OGDHL: variants seen among roughly 807,000 people sequenced by gnomAD.
OGDHL encodes 2-oxoglutarate dehydrogenase-like, mitochondrial.
In OGDHL, 79 loss-of-function variants were observed where a neutral mutation model predicts 109.6. That is an observed-to-expected ratio of 0.72 (90% CI 0.60 to 0.87). The LOEUF (loss-of-function observed/expected upper bound fraction) is 0.87, where lower values mean the gene tolerates loss of function less well. Ranked by LOEUF, OGDHL falls within the 40% of genes least tolerant of loss-of-function variation. The probability of loss-of-function intolerance (pLI) is 0.00; values close to 1 mark genes in which losing one functional copy is unlikely to be tolerated. For synonymous variants in OGDHL, 528 were observed against 537.2 expected (o/e 0.98, Z 0.24); for missense variants, 1,275 against 1,362.2 (o/e 0.94, Z 1.01).
At chr10:49,741,371 G>A (rs1021325926) in intron 15 of OGDHL, among the ~76,000 whole-genome samples, 1 of 152,108 alleles carries the variant, frequency 6.6e-6, no homozygotes, top group Admixed American at 6.5e-5. Context: ...AGGTAGCTCT[G>A]GGTGCATCAG....
In OGDHL at chr10:49,758,873, A is replaced by G. The variant is rs138965983; in HGVS notation, c.-1-280T>C. 2.7e-3 allele frequency among the ~76,000 whole-genome samples: 418 copies of G among 152,260 alleles called. 4 individuals are homozygous for G. Among genetic ancestry groups the G allele is most frequent in the East Asian group, 0.015 (80 of 5,162 alleles). On this transcript the variant is annotated intron_variant, in intron 1 of 22. Coordinates refer to ENST00000374103, the MANE Select transcript of OGDHL (RefSeq NM_018245.3). ...TCCCAGACCACACTCCTTCCCGGAT[A>G]GTCCCCAAAGCCTGTGCAGAGACAT...
chr10:49,754,484 A>T (rs1428808420), intron 3 of OGDHL, among the ~76,000 whole-genome samples: 1 of 152,236 alleles, frequency 6.6e-6, no homozygotes, highest in Admixed American at 6.5e-5. Context: ...CACAATCTGC[A>T]CCTCAGGATA....
intron 10 of OGDHL, 119 bp from the exon 11 acceptor site, chr10:49,746,096 TGTGGGA>T: frequency 1.8e-6 from 2 of 1,141,308 alleles, no homozygotes; most frequent in South Asian, 3.1e-5. Flanking sequence ...CCAGGAGGAA[TGTGGGA>T]CACAACAGGG....
intron 22 of OGDHL, 113 bp from the exon 23 acceptor site, chr10:49,735,464 C>T: frequency 2.3e-6 from 3 of 1,297,360 alleles, no homozygotes; most frequent in East Asian, 2.4e-5. Context: ...ACCTCGAAGC[C>T]ATAGACCCTG....
At chr10:49,743,752 T>A in intron 14 of OGDHL, 1 of 431,152 alleles carries the variant, frequency 2.3e-6, no homozygotes, top group Non-Finnish European at 4.2e-6. Flanking sequence ...GTCCCCAACC[T>A]AAGACTAGTC....
At chr10:49,746,504 C>T (rs1284991799) in intron 10 of OGDHL, among the ~76,000 whole-genome samples, 1 of 152,222 alleles carries the variant, frequency 6.6e-6, no homozygotes, top group Non-Finnish European at 1.5e-5. Context: ...CTGCACACGG[C>T]CAGCCTCCAT....
chr10:49,754,324 A>G (rs1032380768), intron 3 of OGDHL, among the ~76,000 whole-genome samples: 2 of 152,210 alleles, frequency 1.3e-5, no homozygotes, highest in African/African-American at 4.8e-5. Context: ...AAACTCATCA[A>G]ATATGTTTAT....
At position 49,736,121 on chromosome 10, in the gene OGDHL, C is replaced by T. The variant is rs367779363; in HGVS notation, c.2811G>A (p.Ala937=). ...IKQEAEKYPG[A]ELAWCQEEHK... ...GCTCCTCCTGACACCAGGCCAGCTC[C>T]GCACCTGGGTACTTCTCTGCCTCCT... The change falls in exon 22 of 23, where the codon GCG becomes GCA. Residue 937 remains alanine, a synonymous_variant. Coordinates refer to ENST00000374103, the MANE Select transcript of OGDHL (RefSeq NM_018245.3). 9.9e-5 allele frequency: 159 copies of T among 1,611,624 alleles called. No individual in the cohort carries two copies. The highest frequency in any genetic ancestry group is 1.6e-4 in the Middle Eastern group (1 of 6,068).
chr10:49,759,555 C>T (rs934111299), intron 1 of OGDHL, among the ~76,000 whole-genome samples: 2 of 152,128 alleles, frequency 1.3e-5, no homozygotes, highest in African/African-American at 4.8e-5. Flanking sequence ...GAGAACCCCC[C>T]AGATATCCCT....
Position 49,742,844 on chromosome 10 carries a change from C to A in OGDHL, c.1996G>T (p.Glu666Ter). The A allele has an allele frequency of 1.2e-6, 2 of 1,613,320 alleles. No homozygotes were observed. The highest frequency in any genetic ancestry group is 1.7e-6 in the Non-Finnish European group (2 of 1,179,834). Residue 666 changes from glutamate to a stop codon, truncating the protein, a stop_gained, in exon 15 of 23, where the codon GAG (glutamate) becomes TAG (stop). Transcript: ENST00000374103. LOFTEE classifies it high-confidence loss of function. ...TGCGCTCACCTGAATGTGCCCCTCT[C>A]CACATCCTGCCCGCTGAGCCGCACG... The part of the protein sequence containing the change: ...IHVRLSGQDV[E>*]RGTFSHRHHV...
intron 3 of OGDHL, among the ~76,000 whole-genome samples, chr10:49,753,665 T>C (rs945904458): frequency 1.3e-5 from 2 of 151,972 alleles, no homozygotes; most frequent in Non-Finnish European, 2.9e-5. Context: ...CTAAGATGGG[T>C]GGATCACCTG....
intron 3 of OGDHL, among the ~76,000 whole-genome samples, chr10:49,754,441 GA>G (rs1448326616): frequency 2.6e-5 from 4 of 152,058 alleles, no homozygotes; most frequent in Non-Finnish European, 5.9e-5. Flanking sequence ...CTGAATAAAA[GA>G]AAAAAATAAA....
intron 16 of OGDHL, among the ~76,000 whole-genome samples, 166 bp from the exon 17 acceptor site, chr10:49,740,005 C>T (rs1470560900): frequency 6.6e-6 from 1 of 152,166 alleles, no homozygotes; most frequent in African/African-American, 2.4e-5. Flanking sequence ...AATGTACCAT[C>T]CTGGGGGCTG....
Position 49,738,048 on chromosome 10 carries a change from T to C in OGDHL, c.2416A>G (p.Ser806Gly), listed in dbSNP as rs772206904. 17 of 1,614,052 alleles carry C rather than the reference T, an allele frequency of 1.1e-5. No individual in the cohort carries two copies. The highest frequency in any genetic ancestry group is 1.3e-5 in the Non-Finnish European group (15 of 1,180,026). Residue 806 changes from serine (S) to glycine (G), a missense_variant, in exon 19 of 23, where the codon AGC becomes GGC. Transcript: ENST00000374103. Reference sequence around the variant, plus strand: ...ATCCAGTTGCAGTCATAGAGCTGGCTCACCTCGAAGTCCTTGGTGAATGCC... The same window carrying C: ...ATCCAGTTGCAGTCATAGAGCTGGCCCACCTCGAAGTCCTTGGTGAATGCC... ...YPAFTKDFEVSQLYDCNWIVV... is the reference protein window; with the variant it reads ...YPAFTKDFEVGQLYDCNWIVV...
rs1012884558 is a variant in OGDHL at position 49,751,821 on chromosome 10, G to A, written c.749+6C>T. The A allele has an allele frequency of 6.2e-7, 1 of 1,612,904 alleles. No homozygotes were observed. The highest frequency in any genetic ancestry group is 8.5e-7 in the Non-Finnish European group (1 of 1,179,680). On this transcript the variant is annotated splice_donor_region_variant and intron_variant, in intron 6 of 22. Coordinates refer to ENST00000374103, the MANE Select transcript of OGDHL (RefSeq NM_018245.3). ...CCAGCCACTTGGCCCTCCAGGTGGT[G>A]CCAACCTCATGGAGCGCACTAGCCG...
chr10:49,754,332 T>A (rs1313366077), intron 3 of OGDHL, among the ~76,000 whole-genome samples: 1 of 152,238 alleles, frequency 6.6e-6, no homozygotes, highest in African/African-American at 2.4e-5. Flanking sequence ...CAAATATGTT[T>A]ATATTCATGC....
Position 49,752,758 on chromosome 10 carries a change from A to G in OGDHL, c.376-18T>C. On this transcript the variant is annotated intron_variant, in intron 3 of 22. Transcript: ENST00000374103. ...CCCCGGATCTGGGAGGAGGGAAAAG[A>G]GCAGGGTGGGGCTGGGACCCAGCTG... 1 of 1,597,290 alleles carries G rather than the reference A, an allele frequency of 6.3e-7. No individual in the cohort carries two copies. The highest frequency in any genetic ancestry group is 8.6e-7 in the Non-Finnish European group (1 of 1,165,462).
In OGDHL at chr10:49,738,230, C is replaced by A. The variant is rs747549636; in HGVS notation, c.2352G>T (p.Arg784Ser). The A allele has an allele frequency of 1.2e-5, 20 of 1,613,544 alleles. No individual in the cohort carries two copies. Among genetic ancestry groups the A allele is most frequent in the African/African-American group, 1.3e-5 (1 of 74,912 alleles). Residue 784 changes from arginine to serine, a missense_variant, in exon 18 of 23, where the codon AGG (arginine) becomes AGT (serine). Physicochemically the swap from Arg to Ser is moderately radical, Grantham distance 110. Coordinates refer to ENST00000374103, the MANE Select transcript of OGDHL (RefSeq NM_018245.3). Reference protein sequence around the residue: ...GPEHSSARPERFLQMSNDDSD... With the variant: ...GPEHSSARPESFLQMSNDDSD... Reference sequence around the variant, plus strand: ...AGTCATCATTGCTCATCTGCAGGAACCTTTCGGGCCTCGCTGACGAGTGCT... The same window carrying A: ...AGTCATCATTGCTCATCTGCAGGAAACTTTCGGGCCTCGCTGACGAGTGCT...
At position 49,749,725 on chromosome 10, in the gene OGDHL, C is replaced by G; in HGVS notation, c.987+1G>C. The G allele has an allele frequency of 6.3e-7, 1 of 1,584,130 alleles. No individual in the cohort carries two copies. The highest frequency in any genetic ancestry group is 8.5e-7 in the Non-Finnish European group (1 of 1,170,054). The stretch of plus-strand genomic sequence containing the variant: ...TGCCGGGACCTGGGCATGGCACCCA[C>G]CTCGTCCGCCGCCTCCAGCTTGGGG... On this transcript the variant is annotated splice_donor_variant, in intron 8 of 22. Coordinates refer to ENST00000374103, the MANE Select transcript of OGDHL (RefSeq NM_018245.3). LOFTEE classifies it high-confidence loss of function.
Sources: allele counts gnomAD v4.1 joint callset (sites outside exome capture counted in the v4.1 genomes callset), GRCh38; gene constraint gnomAD v4.1.1; transcripts MANE v1.5; gene names NCBI Gene and HGNC (gene_info 2026-07-23, HGNC 2026-07-21).